Variants in RP1 observed in about 807,000 individuals in gnomAD.
The protein encoded by RP1 is oxygen-regulated protein 1.
In RP1, 16 loss-of-function variants were observed where a neutral mutation model predicts 14.8. The observed-to-expected ratio is 1.08, with a 90% CI of 0.73 to 1.65. The LOEUF (loss-of-function observed/expected upper bound fraction) is 1.65. Among genes scored for constraint, RP1 ranks in the 40% most tolerant of loss-of-function variants. RP1 has a pLI of 0.00. For synonymous variants in RP1, 876 were observed against 883.6 expected (o/e 0.99, Z 0.15); for missense variants, 2,631 against 2,535.0 (o/e 1.04, Z -0.81).
intron 1 of RP1, among the ~76,000 whole-genome samples, chr8:54,572,267 A>T (rs1804540062): frequency 6.6e-6 from 1 of 152,250 alleles, no homozygotes; most frequent in Non-Finnish European, 1.5e-5. Flanking sequence ...GTTTCAGCTG[A>T]CCGGCATCAG....
intron 18 of RP1, chr8:54,738,880 A>ATT: frequency 1.8e-6 from 2 of 1,117,524 alleles, no homozygotes; most frequent in South Asian, 3.7e-5. Flanking sequence ...AAAAGAAAGA[A>ATT]TTTTTTAATG....
intron 19 of RP1, among the ~76,000 whole-genome samples, chr8:54,749,188 A>G (rs1488715507): frequency 2.0e-5 from 3 of 152,080 alleles, no homozygotes; most frequent in Non-Finnish European, 4.4e-5. Context: ...AAAATTAGCC[A>G]GGCGTGGTGA....
chr8:54,741,815 GTTTT>G (rs1157175586), intron 19 of RP1, among the ~76,000 whole-genome samples: 2 of 138,392 alleles, frequency 1.4e-5, no homozygotes, highest in African/African-American at 5.4e-5. Flanking sequence ...TGAGATCCTG[GTTTT>G]TTTATTTTTT....
At chr8:54,854,375 C>A (rs968695054) in intron 26 of RP1, among the ~76,000 whole-genome samples, 2 of 152,092 alleles carry the variant, frequency 1.3e-5, no homozygotes, top group Non-Finnish European at 2.9e-5. Flanking sequence ...TCAGAGAAAG[C>A]ACTGAAAAAT....
intron 25 of RP1, among the ~76,000 whole-genome samples, chr8:54,851,006 G>A (rs936661352): frequency 1.3e-5 from 2 of 152,004 alleles, no homozygotes; most frequent in Non-Finnish European, 2.9e-5. Flanking sequence ...TAAATTTCTG[G>A]TACATTTTCT....
In RP1 at chr8:54,628,627, G is replaced by C; in HGVS notation, c.4745G>C (p.Cys1582Ser). 6.2e-7 allele frequency: 1 copy of C among 1,613,962 alleles called. No homozygotes were observed. The highest frequency in any genetic ancestry group is 8.5e-7 in the Non-Finnish European group (1 of 1,179,930). The change falls in exon 4 of 4, where the codon TGC (cysteine) becomes TCC (serine). Residue 1582 changes from cysteine (C) to serine (S), a missense_variant. By Grantham distance (112) the Cys-to-Ser change is moderately radical (BLOSUM62 -1). Transcript: ENST00000220676. Reference protein sequence around the residue: ...YSESSPDLKKCIKSPVTSDWS... With the variant: ...YSESSPDLKKSIKSPVTSDWS... ...GAGTCCTCTCCTGATTTAAAAAAAT[G>C]CATCAAAAGTCCAGTGACTTCTGAT...
chr8:54,597,057 A>C (rs1805165638), intron 1 of RP1, among the ~76,000 whole-genome samples: 1 of 152,006 alleles, frequency 6.6e-6, no homozygotes, highest in South Asian at 2.1e-4. Flanking sequence ...CTGCTCAAAA[A>C]CCTTCAGCAT....
At chr8:54,752,682 T>TG (rs1809404317) in intron 19 of RP1, among the ~76,000 whole-genome samples, 1 of 152,154 alleles carries the variant, frequency 6.6e-6, no homozygotes, top group Non-Finnish European at 1.5e-5. Flanking sequence ...GGCACGCTCA[T>TG]ACCCACACAC....
chr8:54,810,825 G>A (rs1227163362), intron 24 of RP1, among the ~76,000 whole-genome samples: 2 of 152,158 alleles, frequency 1.3e-5, no homozygotes, highest in Admixed American at 6.5e-5. Flanking sequence ...GGGCATAAAA[G>A]GTGGCACCAT....
chr8:54,701,680 A>G, intron 14 of RP1: 1 of 1,531,708 alleles, frequency 6.5e-7, no homozygotes, highest in East Asian at 2.4e-5. Flanking sequence ...GGAGAAAGTT[A>G]TTAAAGTTTA....
At chr8:54,659,910 A>C (rs781269710) in intron 6 of RP1, among the ~76,000 whole-genome samples, 1 of 152,074 alleles carries the variant, frequency 6.6e-6, no homozygotes, top group Non-Finnish European at 1.5e-5. Flanking sequence ...TGTAGTTTTC[A>C]CTGTACATAT....
At chr8:54,675,849 C>A (rs1372902086) in intron 8 of RP1, among the ~76,000 whole-genome samples, 1 of 152,070 alleles carries the variant, frequency 6.6e-6, no homozygotes, top group African/African-American at 2.4e-5. Context: ...TAGTTTGAGG[C>A]TGCTATAACA....
At chr8:54,690,126 G>T (rs1445813262) in intron 12 of RP1, among the ~76,000 whole-genome samples, 2 of 151,762 alleles carry the variant, frequency 1.3e-5, no homozygotes, top group Non-Finnish European at 2.9e-5. Flanking sequence ...TAAAAATATA[G>T]CCAATTTCAA....
At chr8:54,720,714 A>G (rs1036335421) in intron 16 of RP1, among the ~76,000 whole-genome samples, 4 of 152,250 alleles carry the variant, frequency 2.6e-5, no homozygotes, top group African/African-American at 9.6e-5. Context: ...AAAGATCAAC[A>G]CAATTGGGAT....
chr8:54,680,003 A>C lies in RP1; in HGVS notation c.1717+70A>C. The C allele has an allele frequency of 2.0e-6, 3 of 1,477,134 alleles. No individual in the cohort carries two copies. The South Asian group carries it at 4.1e-5, about 20-fold the overall frequency. 91.5% of individuals were successfully genotyped at this position (1,477,134 alleles called of 1,614,324 possible). ...GTTAAAGGAAGGTAGATTTCTAGAC[A>C]CAGTTTAATTTATAGTTTTGTTCTT... On this transcript the variant is annotated intron_variant, in intron 12 of 22. Coordinates refer to the RP1 transcript ENST00000636932.
intron 6 of RP1, among the ~76,000 whole-genome samples, chr8:54,658,878 A>C: frequency 7.7e-6 from 1 of 129,586 alleles, no homozygotes. Flanking sequence ...ATTCTCCCCA[A>C]CACTTGTTTT....
At chr8:54,739,089 G>T (rs1585650214) in intron 19 of RP1, 4 of 1,212,746 alleles carry the variant, frequency 3.3e-6, no homozygotes, top group South Asian at 1.4e-5. Flanking sequence ...AAGCAAGCTG[G>T]CTATGTAAAG....
chr8:54,679,471 C>A (rs1807373416), exon 10 of RP1: 2 of 1,535,928 alleles, frequency 1.3e-6, no homozygotes, highest in Non-Finnish European at 1.7e-6. Context: ...AACTGTATGC[C>A]AGGGATAACA....
rs190373881 is a variant in RP1, at chr8:54,751,444, C to A, written c.2809-3359C>A. 5.0e-3 allele frequency among the ~76,000 whole-genome samples: 760 copies of A among 152,250 alleles called. 6 individuals are homozygous for A. The highest frequency in any genetic ancestry group is 7.4e-3 in the Non-Finnish European group (501 of 68,010). The stretch of plus-strand genomic sequence containing the variant: ...AATTTGTACTTTGCAAACATTTAAT[C>A]TTTGATTTAACTCACCATTACAAGA... On this transcript the variant is annotated intron_variant, in intron 19 of 22. Coordinates refer to the RP1 transcript ENST00000636932.
Sources: allele counts gnomAD v4.1 joint callset (sites outside exome capture counted in the v4.1 genomes callset), GRCh38; gene constraint gnomAD v4.1.1; transcripts MANE v1.5; gene names NCBI Gene and HGNC (gene_info 2026-07-23, HGNC 2026-07-21).